Variants in PCNX2 observed in about 807,000 individuals in gnomAD.
PCNX2 encodes pecanex 2.
A neutral mutation model predicts 223.8 loss-of-function variants in PCNX2; 168 were observed. That is an observed-to-expected ratio of 0.75 (90% CI 0.66 to 0.85). PCNX2 has a LOEUF of 0.85. Ranked by LOEUF, PCNX2 falls within the 40% of genes least tolerant of loss-of-function variation. PCNX2 has a pLI of 0.00. For missense variants in PCNX2, 2,507 were observed against 2,675.5 expected, an observed-to-expected ratio of 0.94 and a Z score of 1.39; for synonymous variants, 1,006 against 1,052.6, an observed-to-expected ratio of 0.96 and a Z score of 0.86.
intron 1 of PCNX2, among the ~76,000 whole-genome samples, chr1:233,264,150 C>T (rs1475104569): frequency 2.0e-5 from 3 of 152,170 alleles, no homozygotes; most frequent in Non-Finnish European, 4.4e-5. Flanking sequence ...GGAGTTGTCC[C>T]ACTCTGTAGC....
At chr1:233,145,874 G>A (rs1259492645) in intron 19 of PCNX2, among the ~76,000 whole-genome samples, 1 of 152,164 alleles carries the variant, frequency 6.6e-6, no homozygotes, top group South Asian at 2.1e-4. Flanking sequence ...GACGTCCCAT[G>A]TATGGAATAA....
chr1:233,246,867 G>A (rs937740589), intron 8 of PCNX2, among the ~76,000 whole-genome samples: 2 of 152,216 alleles, frequency 1.3e-5, no homozygotes, highest in African/African-American at 4.8e-5. Context: ...AATCTAAATT[G>A]AGCCTGATAG....
Position 233,203,779 on chromosome 1 carries a change from C to T in PCNX2, c.2864-3515G>A, listed in dbSNP as rs543928721. On this transcript the variant is annotated intron_variant, in intron 13 of 33. Transcript: ENST00000258229. ...GCTCCTTGACTGTCCCTCTCCTCTG[C>T]CACCTCCTCCTGCTCTGACAGGGTG... Among the ~76,000 whole-genome samples, 3 of 152,264 alleles carry T rather than the reference C, an allele frequency of 2.0e-5. No homozygotes were observed. The East Asian group carries it at 5.8e-4, about 29-fold the overall frequency.
intron 15 of PCNX2, among the ~76,000 whole-genome samples, chr1:233,195,727 T>C (rs1680688368): frequency 6.6e-6 from 1 of 152,140 alleles, no homozygotes; most frequent in Non-Finnish European, 1.5e-5. Flanking sequence ...AAAGGTGCAA[T>C]AGTTTCAGGT....
At chr1:233,320,733 C>T in the PCNX2 span, among the ~76,000 whole-genome samples, 3 of 152,216 alleles carry the variant, frequency 2.0e-5, no homozygotes, top group East Asian at 5.8e-4. Context: ...TGACATTGGT[C>T]GTTTGGAACA....
At chr1:233,042,098 T>G (rs1413522779) in intron 25 of PCNX2, among the ~76,000 whole-genome samples, 1 of 152,178 alleles carries the variant, frequency 6.6e-6, no homozygotes, top group African/African-American at 2.4e-5. Flanking sequence ...TCAAAAAAAT[T>G]CAAAATCCAA....
At chr1:233,140,301 C>G (rs1677032077) in intron 19 of PCNX2, among the ~76,000 whole-genome samples, 2 of 152,182 alleles carry the variant, frequency 1.3e-5, no homozygotes, top group Non-Finnish European at 2.9e-5. Flanking sequence ...CTTTAAACCA[C>G]AAACAAATCC....
intron 25 of PCNX2, among the ~76,000 whole-genome samples, chr1:233,031,228 G>T (rs1671251371): frequency 2.6e-5 from 4 of 152,126 alleles, no homozygotes; most frequent in Admixed American, 2.6e-4. Flanking sequence ...TTCACTCATG[G>T]CCAAAAGAAT....
intron 9 of PCNX2, among the ~76,000 whole-genome samples, chr1:233,233,149 G>C (rs955671173): frequency 6.6e-6 from 1 of 152,156 alleles, no homozygotes; most frequent in African/African-American, 2.4e-5. Flanking sequence ...TTGGGACAAT[G>C]TAAGATTTTA....
At position 233,238,693 on chromosome 1, in the gene PCNX2, CAA is replaced by C. The variant is rs397725959; in HGVS notation, c.2223-1715_2223-1714del. Among the ~76,000 whole-genome samples, 14 of 130,624 alleles carry C rather than the reference CAA, an allele frequency of 1.1e-4. No individual in the cohort carries two copies. In the East Asian group the frequency reaches 1.1e-3, roughly 11 times the overall value. 85.7% of individuals were successfully genotyped at this position (130,624 alleles called of 152,430 possible). On this transcript the variant is annotated intron_variant, in intron 8 of 33. Coordinates refer to ENST00000258229, the MANE Select transcript of PCNX2 (RefSeq NM_014801.4). Reference sequence around the variant, plus strand: ...ATGTGAACAGAGTAAGATCCTGTCTCAAAAAAAAAAAAAAAGCAACTTTCATA... The same window carrying C: ...ATGTGAACAGAGTAAGATCCTGTCTCAAAAAAAAAAAAAGCAACTTTCATA...
intron 23 of PCNX2, among the ~76,000 whole-genome samples, chr1:233,084,607 T>G (rs573426083): frequency 6.6e-6 from 1 of 152,242 alleles, no homozygotes; most frequent in Non-Finnish European, 1.5e-5. Context: ...GTTTTCATTA[T>G]TTTAGAAAGC....
In PCNX2 at chr1:233,259,261, G is replaced by C. The variant is rs202101679; in HGVS notation, c.601C>G (p.Gln201Glu). Reference protein sequence around the residue: ...GIKVESLPASQAHMLETTTKS... With the variant: ...GIKVESLPASEAHMLETTTKS... ...GTCGTGGTTTCCAGCATGTGTGCTT[G>C]AGACGCAGGTAAGCTTTCCACTTTG... Residue 201 changes from glutamine to glutamate, a missense_variant, in exon 5 of 34, where the codon CAA becomes GAA. Physicochemically the swap from Gln to Glu is conservative, Grantham distance 29. This residue lies in a region of PCNX2 where 1,031 missense variants were observed against 1,021.7 expected (regional missense o/e 1.01). Coordinates refer to ENST00000258229, the MANE Select transcript of PCNX2 (RefSeq NM_014801.4). 2.8e-4 allele frequency: 455 copies of C among 1,613,938 alleles called. 2 individuals carry two copies. The African/African-American group carries it at 5.1e-3, about 18-fold the overall frequency.
chr1:232,988,824 AC>A (rs1195496360), intron 32 of PCNX2, among the ~76,000 whole-genome samples: 3 of 152,090 alleles, frequency 2.0e-5, no homozygotes, highest in African/African-American at 7.2e-5. Flanking sequence ...TATGCTTTTT[AC>A]CCCAGCAAGA....
At chr1:233,050,537 T>C (rs1353515837) in intron 25 of PCNX2, among the ~76,000 whole-genome samples, 2 of 152,190 alleles carry the variant, frequency 1.3e-5, no homozygotes, top group East Asian at 3.9e-4. Flanking sequence ...CACACACCTA[T>C]AGCCATCTGA....
In PCNX2 at chr1:233,169,432, G is replaced by A. The variant is rs541539501; in HGVS notation, c.3274-8069C>T. Among the ~76,000 whole-genome samples, 337 of 151,874 alleles carry A rather than the reference G, an allele frequency of 2.2e-3. 1 individual carries two copies. The highest frequency in any genetic ancestry group is 6.8e-3 in the Middle Eastern group (2 of 292). On this transcript the variant is annotated intron_variant, in intron 17 of 33. Coordinates refer to ENST00000258229, the MANE Select transcript of PCNX2 (RefSeq NM_014801.4). Reference sequence around the variant, plus strand: ...GAGGCCGAGACGGGCGGATCACGAGGTCAGGAGATCGAGACCATCCTGGCT... The same window carrying A: ...GAGGCCGAGACGGGCGGATCACGAGATCAGGAGATCGAGACCATCCTGGCT...
chr1:233,244,344 C>A (rs1658971065), intron 8 of PCNX2, among the ~76,000 whole-genome samples: 1 of 152,148 alleles, frequency 6.6e-6, no homozygotes, highest in Non-Finnish European at 1.5e-5. Flanking sequence ...AAGTAAAATT[C>A]TCAGTGTCAG....
chr1:233,094,251 A>T (rs1674032399), intron 22 of PCNX2, among the ~76,000 whole-genome samples: 1 of 152,246 alleles, frequency 6.6e-6, no homozygotes, highest in Admixed American at 6.5e-5. Flanking sequence ...TTTTCATTTA[A>T]TAAACATGCT....
chr1:233,178,807 C>T (rs1679632985), intron 16 of PCNX2, among the ~76,000 whole-genome samples: 1 of 152,172 alleles, frequency 6.6e-6, no homozygotes, highest in South Asian at 2.1e-4. Context: ...CCCTCTGTTC[C>T]TGCCACTGTG....
At chr1:233,169,668 C>T (rs1336868077) in intron 17 of PCNX2, among the ~76,000 whole-genome samples, 1 of 149,016 alleles carries the variant, frequency 6.7e-6, no homozygotes, top group Non-Finnish European at 1.5e-5. Flanking sequence ...AAATGTGACA[C>T]AGGTAACCAT....
Sources: gnomAD v4.1 joint callset for allele counts (sites outside exome capture counted in the v4.1 genomes callset) on GRCh38, gnomAD v4.1.1 for gene constraint, gnomAD v4.1.1 regional missense constraint, MANE v1.5 for transcripts, NCBI Gene and HGNC (gene_info 2026-07-23, HGNC 2026-07-21) for gene names.